TAFA2: variants seen among roughly 807,000 people sequenced by gnomAD.
TAFA2 encodes the protein TAFA chemokine like family member 2.
TAFA2 carries 7 observed loss-of-function variants against 18.8 expected under a neutral mutation model. The ratio of observed to expected loss-of-function variants is 0.37; its 90% CI spans 0.21 to 0.70. The LOEUF is 0.70. Among genes scored for constraint, TAFA2 ranks in the 30% least tolerant of loss-of-function variants. The pLI, the probability that TAFA2 is intolerant of heterozygous loss-of-function variation, is 0.53. For synonymous variants in TAFA2, 60 were observed against 54.2 expected (o/e 1.11, Z -0.47); for missense variants, 122 against 158.1 (o/e 0.77, Z 1.23).
At chr12:62,205,273 T>G (rs2136969877) in intron 1 of TAFA2, among the ~76,000 whole-genome samples, 1 of 152,324 alleles carries the variant, frequency 6.6e-6, no homozygotes, top group East Asian at 1.9e-4. Context: ...AGGTGTCTGG[T>G]GACCACTCTT....
intron 1 of TAFA2, among the ~76,000 whole-genome samples, chr12:61,885,580 C>T (rs1014727388): frequency 3.3e-5 from 5 of 152,158 alleles, no homozygotes; most frequent in Admixed American, 3.3e-4. Context: ...AGCATGTGTC[C>T]TCCACCTCAG....
chr12:61,964,996 G>A (rs534250155), intron 1 of TAFA2, among the ~76,000 whole-genome samples: 25 of 151,942 alleles, frequency 1.6e-4, no homozygotes, highest in African/African-American at 5.3e-4. Flanking sequence ...CACACATGAT[G>A]TACATATTTT....
intron 1 of TAFA2, among the ~76,000 whole-genome samples, chr12:61,905,660 A>T (rs967927799): frequency 6.6e-6 from 1 of 152,198 alleles, no homozygotes; most frequent in African/African-American, 2.4e-5. Flanking sequence ...CACCAGAAAA[A>T]ATATCCTCAT....
At chr12:61,728,029 GTTGTT>G (rs923941453) in intron 4 of TAFA2, among the ~76,000 whole-genome samples, 4 of 85,750 alleles carry the variant, frequency 4.7e-5, no homozygotes, top group African/African-American at 2.3e-4. Context: ...ACTTTTGAGG[GTTGTT>G]TTTTTTTTTT....
chr12:62,011,991 C>G (rs1312411048), intron 1 of TAFA2, among the ~76,000 whole-genome samples: 1 of 152,152 alleles, frequency 6.6e-6, no homozygotes, highest in Non-Finnish European at 1.5e-5. Flanking sequence ...GAATAGATCC[C>G]TAATAGTGTT....
chr12:61,852,401 G>C (rs1307196966), intron 2 of TAFA2, among the ~76,000 whole-genome samples: 1 of 152,128 alleles, frequency 6.6e-6, no homozygotes, highest in Non-Finnish European at 1.5e-5. Flanking sequence ...GTGAGCTGTG[G>C]ATAGGAAAAA....
rs561345891 is a variant in TAFA2, at chr12:62,106,136, C to A, written c.-2+85123G>T. Among the ~76,000 whole-genome samples, 9 of 151,974 alleles carry A rather than the reference C, an allele frequency of 5.9e-5. 1 individual carries two copies. In the South Asian group the frequency reaches 1.9e-3, roughly 32 times the overall value. On this transcript the variant is annotated intron_variant, in intron 1 of 4. Coordinates refer to ENST00000416284, the MANE Select transcript of TAFA2 (RefSeq NM_178539.5). ...TCACCTCAGGTCAGGAGTTTGAGAC[C>A]AGCCTGGCCAACATGGTGAAACCCC...
In TAFA2 at chr12:62,170,924, T is replaced by C. The variant is rs371400047; in HGVS notation, c.-2+20335A>G. ...GTCTCTAACCAAGAACATTTTGTAG[T>C]CACAATTTTTAAAACTAGGTTTACT... On this transcript the variant is annotated intron_variant, in intron 1 of 4. Transcript: ENST00000416284. 4.6e-5 allele frequency among the ~76,000 whole-genome samples: 7 copies of C among 152,166 alleles called. No homozygotes were observed. In the East Asian group the frequency reaches 1.2e-3, roughly 25 times the overall value.
chr12:62,139,166 G>C (rs550086392), intron 1 of TAFA2, among the ~76,000 whole-genome samples: 60 of 152,170 alleles, frequency 3.9e-4, no homozygotes, highest in African/African-American at 1.3e-3. Flanking sequence ...AGGTGTGTTA[G>C]GGGAAAATAA....
At chr12:62,158,763 G>C (rs1263241033) in intron 1 of TAFA2, among the ~76,000 whole-genome samples, 1 of 152,120 alleles carries the variant, frequency 6.6e-6, no homozygotes, top group Non-Finnish European at 1.5e-5. Flanking sequence ...GACAGTATGG[G>C]AAAGGTAAGA....
chr12:62,088,529 C>T (rs1868556043), intron 1 of TAFA2, among the ~76,000 whole-genome samples: 1 of 150,084 alleles, frequency 6.7e-6, no homozygotes, highest in African/African-American at 2.5e-5. Flanking sequence ...TATCCTGGAT[C>T]CTGGACCAGG....
intron 1 of TAFA2, among the ~76,000 whole-genome samples, chr12:62,092,976 C>T (rs1384400758): frequency 6.6e-6 from 1 of 152,028 alleles, no homozygotes; most frequent in Non-Finnish European, 1.5e-5. Context: ...ATCAAATTTA[C>T]ATATCAGCGA....
chr12:62,123,025 A>T (rs937723369), intron 1 of TAFA2, among the ~76,000 whole-genome samples: 1 of 152,180 alleles, frequency 6.6e-6, no homozygotes, highest in Non-Finnish European at 1.5e-5. Flanking sequence ...AGCTACAGGT[A>T]TCTACATATT....
At chr12:61,750,933 T>C (rs1592364748) in intron 4 of TAFA2, among the ~76,000 whole-genome samples, 1 of 152,136 alleles carries the variant, frequency 6.6e-6, no homozygotes, top group Non-Finnish European at 1.5e-5. Context: ...GGCTGGGACC[T>C]GCCAAATCAG....
chr12:62,113,809 A>C (rs1869840434), intron 1 of TAFA2, among the ~76,000 whole-genome samples: 1 of 151,846 alleles, frequency 6.6e-6, no homozygotes, highest in Non-Finnish European at 1.5e-5. Context: ...AAAACCACCT[A>C]CTCAAGCCTC....
chr12:62,085,007 A>C (rs1186841724), intron 1 of TAFA2, among the ~76,000 whole-genome samples: 1 of 152,150 alleles, frequency 6.6e-6, no homozygotes, highest in African/African-American at 2.4e-5. Context: ...ACTCCTGCTA[A>C]ACCATCAACA....
chr12:61,996,366 G>C (rs1880188781), intron 1 of TAFA2, among the ~76,000 whole-genome samples: 1 of 152,134 alleles, frequency 6.6e-6, no homozygotes, highest in African/African-American at 2.4e-5. Flanking sequence ...CGATGTTTCA[G>C]TAACAAGCTG....
At chr12:62,020,226 A>T (rs1000478678) in intron 1 of TAFA2, among the ~76,000 whole-genome samples, 2 of 152,332 alleles carry the variant, frequency 1.3e-5, no homozygotes, top group East Asian at 3.9e-4. Context: ...GAGAAACACA[A>T]GAAAGACAAG....
chr12:61,860,591 T>C (rs1464109983), intron 2 of TAFA2, among the ~76,000 whole-genome samples: 1 of 150,058 alleles, frequency 6.7e-6, no homozygotes, highest in Non-Finnish European at 1.5e-5. Context: ...TGCATCACCA[T>C]CCTCTTTGCT....
Sources: allele counts gnomAD v4.1 joint callset (sites outside exome capture counted in the v4.1 genomes callset), GRCh38; gene constraint gnomAD v4.1.1; transcripts MANE v1.5; gene names NCBI Gene and HGNC (gene_info 2026-07-23, HGNC 2026-07-21).